Variants in STPG2 observed in about 807,000 individuals in gnomAD.
STPG2 encodes sperm-tail PG-rich repeat-containing protein 2.
In STPG2, 56 loss-of-function variants were observed where a neutral mutation model predicts 54.2. The ratio of observed to expected loss-of-function variants is 1.03; its 90% CI spans 0.83 to 1.29. STPG2 has a LOEUF of 1.29. STPG2 is among the 50% of genes most tolerant of loss of function. The probability of loss-of-function intolerance (pLI) is 0.00; values close to 1 mark genes in which losing one functional copy is unlikely to be tolerated. For missense variants in STPG2, 596 were observed against 544.9 expected, an observed-to-expected ratio of 1.09 and a Z score of -0.93; for synonymous variants, 200 against 181.8, an observed-to-expected ratio of 1.10 and a Z score of -0.81.
At chr4:98,075,128 T>A (rs571867886) in intron 5 of STPG2, among the ~76,000 whole-genome samples, 1 of 152,314 alleles carries the variant, frequency 6.6e-6, no homozygotes, top group South Asian at 2.1e-4. Flanking sequence ...CTGAAGTGTT[T>A]ACCAGCGTCC....
intron 8 of STPG2, among the ~76,000 whole-genome samples, chr4:97,925,090 C>A (rs1026063789): frequency 2.6e-5 from 4 of 152,140 alleles, no homozygotes; most frequent in African/African-American, 4.8e-5. Flanking sequence ...AAAATTATTT[C>A]TTTGCAAATC....
chr4:97,612,774 C>G (rs1347630986), intron 10 of STPG2, among the ~76,000 whole-genome samples: 2 of 151,672 alleles, frequency 1.3e-5, no homozygotes, highest in Non-Finnish European at 2.9e-5. Flanking sequence ...AGTGTAAATG[C>G]AAATATACTT....
At chr4:97,743,854 A>G (rs1016562371) in intron 9 of STPG2, among the ~76,000 whole-genome samples, 1 of 151,588 alleles carries the variant, frequency 6.6e-6, no homozygotes, top group Non-Finnish European at 1.5e-5. Flanking sequence ...GGAGTAGAAA[A>G]GCTAGTAGGA....
chr4:97,992,866 T>G (rs1289303395), intron 5 of STPG2, among the ~76,000 whole-genome samples: 1 of 152,148 alleles, frequency 6.6e-6, no homozygotes, highest in Non-Finnish European at 1.5e-5. Context: ...GGTTGAGTCT[T>G]GATTTGATTC....
intron 10 of STPG2, among the ~76,000 whole-genome samples, chr4:97,634,892 T>C (rs1468047688): frequency 1.2e-4 from 18 of 151,858 alleles, no homozygotes; most frequent in Admixed American, 1.2e-3. Flanking sequence ...ATGGGGAGAA[T>C]GGAACCAAGT....
At chr4:97,533,113 C>A (rs1255828161) in intron 4 of STPG2, among the ~76,000 whole-genome samples, 3 of 152,016 alleles carry the variant, frequency 2.0e-5, no homozygotes, top group Non-Finnish European at 2.9e-5. Context: ...GATCTTCTGA[C>A]CTCATGATCC....
chr4:97,647,630 G>T (rs1721947585), intron 10 of STPG2, among the ~76,000 whole-genome samples: 1 of 152,084 alleles, frequency 6.6e-6, no homozygotes, highest in Admixed American at 6.5e-5. Context: ...CCCAAAAGGG[G>T]CTACAGTCTA....
intron 9 of STPG2, among the ~76,000 whole-genome samples, chr4:97,714,191 C>G (rs1013909461): frequency 6.6e-6 from 1 of 152,110 alleles, no homozygotes; most frequent in Admixed American, 6.5e-5. Flanking sequence ...ATTCAATCTA[C>G]CTACTTTGGC....
intron 10 of STPG2, among the ~76,000 whole-genome samples, chr4:97,607,292 T>G (rs1733621059): frequency 6.6e-6 from 1 of 152,046 alleles, no homozygotes; most frequent in Non-Finnish European, 1.5e-5. Flanking sequence ...TCTCTGCAAC[T>G]GTTTCTCTCA....
At chr4:97,778,391 GC>G (rs922841931) in intron 9 of STPG2, among the ~76,000 whole-genome samples, 1 of 152,198 alleles carries the variant, frequency 6.6e-6, no homozygotes, top group Non-Finnish European at 1.5e-5. Context: ...TGGGGGAGGG[GC>G]GTCCAACATT....
intron 9 of STPG2, among the ~76,000 whole-genome samples, chr4:97,742,565 GTC>G (rs575847194): frequency 0.011 from 1,262 of 118,234 alleles, 31 homozygotes; most frequent in African/African-American, 0.028. Flanking sequence ...GTGTGTGTGT[GTC>G]TATATATATA....
chr4:97,683,473 A>G (rs1723090819), intron 10 of STPG2, among the ~76,000 whole-genome samples: 2 of 151,880 alleles, frequency 1.3e-5, no homozygotes, highest in Admixed American at 1.3e-4. Context: ...GATTGCAATG[A>G]TATCTCTCAT....
At chr4:97,569,149 C>T (rs1732534368) in intron 10 of STPG2, among the ~76,000 whole-genome samples, 1 of 152,132 alleles carries the variant, frequency 6.6e-6, no homozygotes, top group Non-Finnish European at 1.5e-5. Context: ...TGGTGGATTA[C>T]TCATGAGTTT....
At chr4:98,110,901 A>ACTACTTACTT (rs1739328466) in intron 3 of STPG2, among the ~76,000 whole-genome samples, 1 of 152,108 alleles carries the variant, frequency 6.6e-6, no homozygotes, top group Non-Finnish European at 1.5e-5. Flanking sequence ...TAGCAACATT[A>ACTACTTACTT]GTGACAAAAG....
intron 4 of STPG2, among the ~76,000 whole-genome samples, chr4:97,529,045 A>T (rs1168918539): frequency 1.3e-5 from 2 of 152,190 alleles, no homozygotes; most frequent in African/African-American, 2.4e-5. Flanking sequence ...GAGAGACGGC[A>T]TCCTTGTCTT....
At chr4:97,566,383 G>A (rs549065535) in intron 10 of STPG2, among the ~76,000 whole-genome samples, 49 of 152,236 alleles carry the variant, frequency 3.2e-4, no homozygotes, top group African/African-American at 9.4e-4. Context: ...GTCCCCTTGC[G>A]CTTCCCGAGT....
At chr4:97,934,180 T>C (rs572569791) in intron 8 of STPG2, among the ~76,000 whole-genome samples, 1 of 152,270 alleles carries the variant, frequency 6.6e-6, no homozygotes, top group South Asian at 2.1e-4. Context: ...TGTTGGTGTA[T>C]AGGAATACTT....
intron 5 of STPG2, among the ~76,000 whole-genome samples, chr4:98,018,577 C>T (rs1736054458): frequency 6.6e-6 from 1 of 152,076 alleles, no homozygotes; most frequent in Non-Finnish European, 1.5e-5. Flanking sequence ...GATCTAGATC[C>T]CTGAGGAATC....
At chr4:98,123,982 T>G (rs1311310489) in intron 3 of STPG2, among the ~76,000 whole-genome samples, 1 of 152,232 alleles carries the variant, frequency 6.6e-6, no homozygotes, top group Admixed American at 6.5e-5. Flanking sequence ...GTCTGTTTTG[T>G]CAGAAACTAG....
Sources: gnomAD v4.1 joint callset for allele counts (sites outside exome capture counted in the v4.1 genomes callset) on GRCh38, gnomAD v4.1.1 for gene constraint, MANE v1.5 for transcripts, NCBI Gene and HGNC (gene_info 2026-07-23, HGNC 2026-07-21) for gene names.